NLGN1: variants seen among roughly 807,000 people sequenced by gnomAD.
NLGN1 encodes neuroligin-1.
NLGN1 carries 12 observed loss-of-function variants against 65.5 expected under a neutral mutation model. The ratio of observed to expected loss-of-function variants is 0.18; its 90% confidence interval spans 0.12 to 0.30. The LOEUF is 0.30. Ranked by LOEUF, NLGN1 falls within the 10% of genes least tolerant of loss-of-function variation. NLGN1 has a pLI of 1.00. For synonymous variants in NLGN1, 350 were observed against 359.5 expected (o/e 0.97, Z 0.30); for missense variants, 750 against 1,007.1 (o/e 0.74, Z 3.46).
At chr3:173,677,058 G>C (rs1763264969) in intron 3 of NLGN1, among the ~76,000 whole-genome samples, 1 of 152,108 alleles carries the variant, frequency 6.6e-6, no homozygotes, top group Non-Finnish European at 1.5e-5. Context: ...AAGGAGAATA[G>C]AGTCAGAAAT....
chr3:173,539,657 G>GTACATATATAACATACATATA (rs1362050556), intron 2 of NLGN1, among the ~76,000 whole-genome samples: 3 of 124,274 alleles, frequency 2.4e-5, no homozygotes, highest in Non-Finnish European at 3.2e-5. Flanking sequence ...TATAACATAT[G>GTACATATATAACATACATATA]TGTATATATG....
At chr3:174,256,742 T>C (rs1398692569) in intron 4 of NLGN1, among the ~76,000 whole-genome samples, 1 of 151,920 alleles carries the variant, frequency 6.6e-6, no homozygotes, top group African/African-American at 2.4e-5. Context: ...TAAATAATTT[T>C]CATATGCAAA....
intron 4 of NLGN1, among the ~76,000 whole-genome samples, chr3:173,887,618 T>C (rs1287938748): frequency 1.3e-5 from 2 of 152,118 alleles, no homozygotes; most frequent in Non-Finnish European, 1.5e-5. Flanking sequence ...GTCTCTTGAT[T>C]CATTTCCAGT....
intron 4 of NLGN1, among the ~76,000 whole-genome samples, chr3:174,184,014 T>C (rs2152750120): frequency 6.6e-6 from 1 of 152,280 alleles, no homozygotes. Flanking sequence ...AAGATAATCC[T>C]GAATACAAAT....
intron 4 of NLGN1, among the ~76,000 whole-genome samples, chr3:173,817,233 T>G (rs1719206665): frequency 6.6e-6 from 1 of 152,180 alleles, no homozygotes; most frequent in Non-Finnish European, 1.5e-5. Flanking sequence ...TTAAATAAGG[T>G]TAAAAACATA....
At chr3:174,195,908 A>C (rs2152766834) in intron 4 of NLGN1, among the ~76,000 whole-genome samples, 1 of 152,234 alleles carries the variant, frequency 6.6e-6, no homozygotes, top group South Asian at 2.1e-4. Flanking sequence ...CTCCAGTTTC[A>C]CCAAATGCCA....
chr3:173,871,628 A>C lies in NLGN1; in HGVS notation c.646+63796A>C, dbSNP rs138904885. On this transcript the variant is annotated intron_variant, in intron 4 of 6. Coordinates refer to ENST00000457714, the Ensembl canonical transcript of NLGN1. ...GATAGCATAGCTCTACTGGTGGCTA[A>C]ATTTATGTATAATCTCTGAAACCCA... 9.6e-4 allele frequency among the ~76,000 whole-genome samples: 146 copies of C among 152,306 alleles called. 2 individuals are homozygous for C. The East Asian group carries it at 0.024, about 25-fold the overall frequency.
intron 5 of NLGN1, among the ~76,000 whole-genome samples, chr3:174,277,929 T>C (rs1333154860): frequency 1.3e-5 from 2 of 151,902 alleles, no homozygotes; most frequent in Non-Finnish European, 2.9e-5. Context: ...AATTTAAATA[T>C]GTAAAAGAAA....
At chr3:173,643,883 C>A (rs145722530) in intron 3 of NLGN1, among the ~76,000 whole-genome samples, 1 of 152,222 alleles carries the variant, frequency 6.6e-6, no homozygotes, top group African/African-American at 2.4e-5. Context: ...TGTGTGCCAC[C>A]ACACTTGACT....
intron 4 of NLGN1, among the ~76,000 whole-genome samples, chr3:173,867,068 A>T (rs571552385): frequency 5.9e-5 from 9 of 152,330 alleles, no homozygotes; most frequent in African/African-American, 2.2e-4. Flanking sequence ...CTGTACTCCT[A>T]GGAAGATCTA....
intron 4 of NLGN1, among the ~76,000 whole-genome samples, chr3:174,076,681 G>A (rs556038910): frequency 0.022 from 870 of 39,770 alleles, 12 homozygotes; most frequent in African/African-American, 0.079. Context: ...TGGGACCATA[G>A]AGAGAGAGAG....
At chr3:173,905,402 A>G (rs748950847) in intron 4 of NLGN1, among the ~76,000 whole-genome samples, 2 of 151,778 alleles carry the variant, frequency 1.3e-5, no homozygotes, top group Non-Finnish European at 1.5e-5. Flanking sequence ...ACGTTAAGAA[A>G]GATTTCAAGG....
chr3:173,532,864 G>A (rs778712165), intron 2 of NLGN1, among the ~76,000 whole-genome samples: 30 of 152,118 alleles, frequency 2.0e-4, no homozygotes, highest in Non-Finnish European at 4.1e-4. Context: ...TGAAAGTTCT[G>A]CTCGATATCT....
downstream of NLGN1, among the ~76,000 whole-genome samples, chr3:174,290,774 T>G (rs1303142133): frequency 6.6e-6 from 1 of 151,006 alleles, no homozygotes; most frequent in Non-Finnish European, 1.5e-5. Context: ...AAAGGACATG[T>G]CTGTTTTTTC....
At chr3:174,150,392 G>A (rs1000439923) in intron 4 of NLGN1, among the ~76,000 whole-genome samples, 1 of 152,058 alleles carries the variant, frequency 6.6e-6, no homozygotes, top group Non-Finnish European at 1.5e-5. Flanking sequence ...ATTATATGTT[G>A]TGGGGGACTC....
chr3:174,209,051 A>T (rs1490094010), intron 4 of NLGN1, among the ~76,000 whole-genome samples: 1 of 151,958 alleles, frequency 6.6e-6, no homozygotes, highest in Non-Finnish European at 1.5e-5. Flanking sequence ...CCTCCCGAGT[A>T]GCTGGGACTA....
At chr3:173,709,687 C>G (rs1388978563) in intron 3 of NLGN1, among the ~76,000 whole-genome samples, 2 of 150,892 alleles carry the variant, frequency 1.3e-5, no homozygotes, top group East Asian at 3.9e-4. Context: ...CCTGTAATCC[C>G]AGCTACTCGA....
At chr3:174,107,839 T>C (rs1403492579) in intron 4 of NLGN1, among the ~76,000 whole-genome samples, 1 of 152,170 alleles carries the variant, frequency 6.6e-6, no homozygotes, top group Non-Finnish European at 1.5e-5. Flanking sequence ...TCAATGGGAA[T>C]AGTGACATCT....
intron 3 of NLGN1, among the ~76,000 whole-genome samples, chr3:173,615,829 C>G (rs1752973772): frequency 6.6e-6 from 1 of 151,250 alleles, no homozygotes; most frequent in East Asian, 2.0e-4. Context: ...GATACAACAG[C>G]TGCTGGATTA....
Sources: gnomAD v4.1 joint callset for allele counts (sites outside exome capture counted in the v4.1 genomes callset) on GRCh38, gnomAD v4.1.1 for gene constraint, MANE v1.5 for transcripts, NCBI Gene and HGNC (gene_info 2026-07-23, HGNC 2026-07-21) for gene names.